VRK2: variants seen among roughly 807,000 people sequenced by gnomAD.
VRK2 encodes the protein VRK serine/threonine kinase 2.
In VRK2, 60 loss-of-function variants were observed where a neutral mutation model predicts 57.6. The observed-to-expected ratio is 1.04, with a 90% CI of 0.85 to 1.29. VRK2 has a LOEUF of 1.29. Among genes scored for constraint, VRK2 ranks in the 50% most tolerant of loss-of-function variants. The pLI, the probability that VRK2 is intolerant of heterozygous loss-of-function variation, is 0.00. For missense variants in VRK2, 705 were observed against 588.1 expected (o/e 1.20, Z -2.06); for synonymous variants, 231 against 199.2 (o/e 1.16, Z -1.35).
chr2:58,067,229 G>A (rs1268263258), intron 2 of VRK2, among the ~76,000 whole-genome samples: 2 of 152,132 alleles, frequency 1.3e-5, no homozygotes. Context: ...TGGCTTCCCT[G>A]CATTTGAGGT....
intron 1 of VRK2, among the ~76,000 whole-genome samples, chr2:57,927,466 G>A (rs2678873): frequency 0.68 from 102,612 of 151,886 alleles, 35,593 homozygotes; most frequent in African/African-American, 0.85. Context: ...TAGTAGAGAC[G>A]GGGTGTCAGC....
chr2:57,971,359 T>C (rs1441139726), intron 1 of VRK2, among the ~76,000 whole-genome samples: 2 of 151,936 alleles, frequency 1.3e-5, no homozygotes, highest in Non-Finnish European at 2.9e-5. Context: ...AAGACTTCCA[T>C]AAAGAAAGCA....
chr2:58,146,390 T>C lies in VRK2; in HGVS notation c.1098T>C (p.Ser366=). The C allele has an allele frequency of 6.2e-7, 1 of 1,611,524 alleles. No homozygotes were observed. The highest frequency in any genetic ancestry group is 8.5e-7 in the Non-Finnish European group (1 of 1,178,336). ...GGTTAATCGAAAAAAAAGTCCACAG[T>C]GAGAGAAGCGCTGAGTCCTGTGCAA... ...HNRLIEKKVH[S]ERSAESCATW... is the part of the protein sequence containing the mutation. Residue 366 remains serine (S), a synonymous_variant, in exon 12 of 13, where the codon AGT becomes AGC. Coordinates refer to ENST00000340157, the MANE Select transcript of VRK2 (RefSeq NM_006296.7).
chr2:57,941,232 C>T (rs889896252), intron 1 of VRK2, among the ~76,000 whole-genome samples: 3 of 152,132 alleles, frequency 2.0e-5, no homozygotes, highest in Non-Finnish European at 2.9e-5. Context: ...ATGAAGCACA[C>T]AGTGACCTCA....
intron 7 of VRK2, among the ~76,000 whole-genome samples, chr2:58,099,260 A>G (rs199892117): frequency 1.3e-5 from 2 of 152,148 alleles, no homozygotes; most frequent in East Asian, 3.9e-4. Flanking sequence ...TATCAGAGAC[A>G]TATTCTTTTC....
intron 1 of VRK2, among the ~76,000 whole-genome samples, chr2:57,943,695 AT>A (rs1321450041): frequency 6.6e-6 from 1 of 152,244 alleles, no homozygotes; most frequent in Non-Finnish European, 1.5e-5. Flanking sequence ...GGAAGGAAGC[AT>A]AAGGAGCAGA....
chr2:58,145,233 G>A (rs188666843), intron 11 of VRK2, among the ~76,000 whole-genome samples: 1 of 152,074 alleles, frequency 6.6e-6, no homozygotes, highest in Non-Finnish European at 1.5e-5. Flanking sequence ...GCATCCCCCA[G>A]ATATCATCAT....
intron 10 of VRK2, among the ~76,000 whole-genome samples, chr2:58,135,738 G>C (rs992399903): frequency 2.6e-5 from 4 of 152,080 alleles, no homozygotes; most frequent in African/African-American, 9.7e-5. Flanking sequence ...ATATTTTCAA[G>C]TTAGTATACA....
intron 1 of VRK2, among the ~76,000 whole-genome samples, chr2:57,936,846 A>G (rs961094022): frequency 1.3e-5 from 2 of 152,146 alleles, no homozygotes; most frequent in African/African-American, 2.4e-5. Context: ...TCTGCATTCA[A>G]TTATGTGTAG....
intron 2 of VRK2, among the ~76,000 whole-genome samples, chr2:58,055,161 A>T (rs546347644): frequency 6.6e-6 from 1 of 152,330 alleles, no homozygotes; most frequent in South Asian, 2.1e-4. Context: ...TGCGTTCTGC[A>T]TGCTGCCCCT....
At chr2:57,953,587 C>T (rs930223379) in intron 1 of VRK2, among the ~76,000 whole-genome samples, 2 of 152,130 alleles carry the variant, frequency 1.3e-5, no homozygotes, top group African/African-American at 4.8e-5. Flanking sequence ...ATTATAGTTC[C>T]TGTATTCATC....
At chr2:57,928,052 C>A (rs990859924) in intron 1 of VRK2, among the ~76,000 whole-genome samples, 2 of 152,030 alleles carry the variant, frequency 1.3e-5, no homozygotes, top group Non-Finnish European at 2.9e-5. Flanking sequence ...CCTTCTTGTA[C>A]TTGACTTTTG....
chr2:58,002,640 T>G (rs1442755823), intron 1 of VRK2, among the ~76,000 whole-genome samples: 1 of 152,198 alleles, frequency 6.6e-6, no homozygotes, highest in Non-Finnish European at 1.5e-5. Context: ...AAGGCTGAGC[T>G]GAATTTGCAT....
intron 1 of VRK2, among the ~76,000 whole-genome samples, chr2:57,992,503 C>T (rs1672797705): frequency 6.6e-6 from 1 of 151,648 alleles, no homozygotes; most frequent in African/African-American, 2.4e-5. Flanking sequence ...TAATGAAAAA[C>T]TCACAGACTG....
intron 2 of VRK2, among the ~76,000 whole-genome samples, chr2:58,082,932 A>G (rs937272597): frequency 3.3e-5 from 5 of 151,816 alleles, no homozygotes; most frequent in South Asian, 2.1e-4. Flanking sequence ...ATATTTTAAT[A>G]AAATTTGTGA....
intron 4 of VRK2, among the ~76,000 whole-genome samples, chr2:58,085,318 G>A (rs1375458364): frequency 6.6e-6 from 1 of 151,890 alleles, no homozygotes; most frequent in Admixed American, 6.6e-5. Context: ...ATGGGAAGTA[G>A]ATATATGTAT....
At chr2:58,024,927 A>T (rs1223753366) in intron 1 of VRK2, among the ~76,000 whole-genome samples, 1 of 152,192 alleles carries the variant, frequency 6.6e-6, no homozygotes, top group African/African-American at 2.4e-5. Flanking sequence ...CCAGAAACCA[A>T]ATGTAAATAT....
chr2:58,076,191 G>A (rs1439325093), intron 2 of VRK2, among the ~76,000 whole-genome samples: 3 of 142,876 alleles, frequency 2.1e-5, no homozygotes, highest in African/African-American at 5.2e-5. Flanking sequence ...CATCTTATCT[G>A]TACAGATGCT....
At chr2:58,139,516 A>C in intron 10 of VRK2, 150 bp from the exon 11 acceptor site, 1 of 676,758 alleles carries the variant, frequency 1.5e-6, no homozygotes, top group Non-Finnish European at 2.5e-6. Flanking sequence ...ATATCATTTA[A>C]AAAGTTATTT....
Sources: allele counts gnomAD v4.1 joint callset (sites outside exome capture counted in the v4.1 genomes callset), GRCh38; gene constraint gnomAD v4.1.1; transcripts MANE v1.5; gene names NCBI Gene and HGNC (gene_info 2026-07-23, HGNC 2026-07-21).